Variants in HUWE1 observed in about 807,000 individuals in gnomAD.
HUWE1 encodes the protein E3 ubiquitin-protein ligase HUWE1.
In HUWE1, 18 loss-of-function variants were observed where a neutral mutation model predicts 299.4. The observed-to-expected ratio is 0.06, with a 90% confidence interval of 0.04 to 0.09. The LOEUF is 0.09. Among genes scored for constraint, HUWE1 ranks in the 10% least tolerant of loss-of-function variants. HUWE1 has a pLI of 1.00. For synonymous variants in HUWE1, 1,317 were observed against 1,286.1 expected (o/e 1.02, Z -0.51); for missense variants, 1,832 against 3,462.3 (o/e 0.53, Z 11.82).
chrX:53,570,570 C>G (rs2062779244), intron 47 of HUWE1, among the ~76,000 whole-genome samples: 1 of 112,245 alleles, frequency 8.9e-6, no homozygotes, highest in Admixed American at 9.4e-5. Flanking sequence ...ACAGCAGAGT[C>G]ACAGAAACTA....
chrX:53,569,633 A>G lies in HUWE1; in HGVS notation c.6507T>C (p.Ser2169=). The change falls in exon 48 of 84, where the codon AGT becomes AGC. Residue 2169 remains serine, a synonymous_variant. Coordinates refer to ENST00000262854, the MANE Select transcript of HUWE1 (RefSeq NM_031407.7). ...ALGRALAMAE[S]TEKHARLQAV... ...AATCTTACCTGGCATGTTTCTCTGTACTCTCAGCCATAGCCAGTGCCCGTC... is the reference window on the plus strand; with the variant it reads ...AATCTTACCTGGCATGTTTCTCTGTGCTCTCAGCCATAGCCAGTGCCCGTC... The G allele has an allele frequency of 8.3e-7, 1 of 1,210,501 alleles. No homozygotes were observed.
At chrX:53,657,770 C>T (rs1203991453) in intron 3 of HUWE1, among the ~76,000 whole-genome samples, 1 of 110,856 alleles carries the variant, frequency 9.0e-6, no homozygotes, top group Non-Finnish European at 1.9e-5. Context: ...CAATTGCTGG[C>T]CAGGCACGGT....
At chrX:53,555,072 G>A (rs187914976) in intron 60 of HUWE1, 152 bp from the exon 61 acceptor site, 15 of 401,695 alleles carry the variant, frequency 3.7e-5, no homozygotes, top group Non-Finnish European at 5.5e-5. Context: ...CTCTGGTCTG[G>A]TATACTAAGG....
chrX:53,602,769 A>G, intron 27 of HUWE1, 111 bp from the exon 28 acceptor site: 1 of 430,748 alleles, frequency 2.3e-6, no homozygotes, highest in South Asian at 5.3e-5. Flanking sequence ...TATCCCTCCT[A>G]TAGCAGGCAG....
At chrX:53,626,066 T>C (rs781925426) in intron 17 of HUWE1, 1 of 369,788 alleles carries the variant, frequency 2.7e-6, no homozygotes, top group Non-Finnish European at 5.4e-6. Context: ...AGAAACTTAC[T>C]AGAATAAAAG....
chrX:53,605,479 A>T (rs2065098313), intron 25 of HUWE1, among the ~76,000 whole-genome samples: 1 of 112,309 alleles, frequency 8.9e-6, no homozygotes, highest in African/African-American at 3.2e-5. Context: ...TATTTCAAAG[A>T]GTAAAACAAA....
intron 72 of HUWE1, among the ~76,000 whole-genome samples, 160 bp downstream of exon 72, chrX:53,544,400 G>A (rs1018646152): frequency 9.0e-6 from 1 of 110,923 alleles, no homozygotes; most frequent in Admixed American, 9.6e-5. Flanking sequence ...GCTTGAATGA[G>A]ATGTAGAATG....
Position 53,645,475 on chromosome X carries a change from A to C in HUWE1, c.352-12T>G, listed in dbSNP as rs782255554. On this transcript the variant is annotated splice_polypyrimidine_tract_variant and intron_variant, in intron 6 of 83. Transcript: ENST00000262854. ...AAAGTTGTCAAATGCTAAAGGGACA[A>C]AAAAGGGCAAAGCTCAAGGTATCAG... 4.1e-6 allele frequency: 5 copies of C among 1,208,626 alleles called. No individual in the cohort carries two copies. In the Admixed American group the frequency reaches 8.7e-5, roughly 21 times the overall value.
chrX:53,644,050 C>T (rs1433208436), intron 7 of HUWE1, among the ~76,000 whole-genome samples: 1 of 111,951 alleles, frequency 8.9e-6, no homozygotes. Flanking sequence ...TCTCAAACTC[C>T]TGGGCTCAAG....
intron 32 of HUWE1, 76 bp downstream of exon 32, chrX:53,593,288 A>T (rs2064264146): frequency 1.3e-6 from 1 of 746,797 alleles, no homozygotes; most frequent in African/African-American, 2.1e-5. Flanking sequence ...ATGTTATTTC[A>T]TTAAGCAGGA....
chrX:53,668,092 C>T (rs1371924538), intron 3 of HUWE1, among the ~76,000 whole-genome samples: 3 of 110,916 alleles, frequency 2.7e-5, no homozygotes, highest in African/African-American at 9.9e-5. Context: ...TTGCATTATT[C>T]AGCTCCAATT....
intron 23 of HUWE1, among the ~76,000 whole-genome samples, chrX:53,611,724 G>A (rs2065481985): frequency 9.1e-6 from 1 of 109,937 alleles, no homozygotes; most frequent in Non-Finnish European, 1.9e-5. Flanking sequence ...AAGGCATGGT[G>A]GCACGTGTCT....
At chrX:53,683,902 G>A in intron 2 of HUWE1, 4 of 281,263 alleles carry the variant, frequency 1.4e-5, no homozygotes. Context: ...ATCCCACGAG[G>A]ACGTAACCCT....
At chrX:53,645,720 G>GA (rs1228305226) in intron 6 of HUWE1, among the ~76,000 whole-genome samples, 24 of 24,422 alleles carry the variant, frequency 9.8e-4, no homozygotes, top group African/African-American at 2.7e-3. Context: ...CTCAAAAAAA[G>GA]AAAAAAAAAA....
chrX:53,569,640 G>A lies in HUWE1; in HGVS notation c.6500C>T (p.Ala2167Val), dbSNP rs782769393. The change falls in exon 48 of 84, where the codon GCT becomes GTT. Residue 2167 changes from alanine to valine, a missense_variant. Around this residue, in one of 15 missense-constraint regions of HUWE1, gnomAD observed 157 missense variants for 252.3 expected, o/e 0.62. Transcript: ENST00000262854. ...CCTGGCATGTTTCTCTGTACTCTCA[G>A]CCATAGCCAGTGCCCGTCCAAGGGC... ...KAALGRALAMAESTEKHARLQ... is the reference protein window; with the variant it reads ...KAALGRALAMVESTEKHARLQ... The A allele has an allele frequency of 5.8e-6, 7 of 1,211,434 alleles. No homozygotes were observed. The highest frequency in any genetic ancestry group is 7.8e-6 in the Non-Finnish European group (7 of 895,023).
At chrX:53,566,601 C>A (rs782758171) in intron 49 of HUWE1, among the ~76,000 whole-genome samples, 1 of 111,156 alleles carries the variant, frequency 9.0e-6, no homozygotes, top group Non-Finnish European at 1.9e-5. Flanking sequence ...GGACTACAGG[C>A]GTACATGTCC....
chrX:53,548,044 G>A lies in HUWE1; in HGVS notation c.10265C>T (p.Ser3422Phe). Residue 3422 changes from serine to phenylalanine, a missense_variant, in exon 68 of 84, where the codon TCT becomes TTT. Physicochemically the swap from Ser to Phe is radical, Grantham distance 155. Transcript: ENST00000262854. Reference protein sequence around the residue: ...PVSAGGEGETSPYSLEASPLG... With the variant: ...PVSAGGEGETFPYSLEASPLG... ...TGGAGAGGCCTCGAGGCTGTATGGA[G>A]AGGTTTCCCCCTCACCGCCAGCGCT... 1 of 1,210,893 alleles carries A rather than the reference G, an allele frequency of 8.3e-7. No individual in the cohort carries two copies. The highest frequency in any genetic ancestry group is 1.1e-6 in the Non-Finnish European group (1 of 895,057).
Position 53,627,452 on chromosome X carries a change from T to C in HUWE1, c.1447A>G (p.Asn483Asp), listed in dbSNP as rs113580193. The C allele has an allele frequency of 8.3e-7, 1 of 1,200,873 alleles. No homozygotes were observed. The highest frequency in any genetic ancestry group is 1.1e-6 in the Non-Finnish European group (1 of 886,276). ...FVIKPKIQRP[N>D]TTQEGEEMET... The stretch of plus-strand genomic sequence containing the variant: ...ATTTCCTCTCCTTCTTGTGTAGTAT[T>C]GGGTCTCTGGATCTTTGGCTTGATC... The change falls in exon 17 of 84, where the codon AAT becomes GAT. Residue 483 changes from asparagine to aspartate, a missense_variant. By Grantham distance (23) the Asn-to-Asp change is conservative (BLOSUM62 1). Coordinates refer to ENST00000262854, the MANE Select transcript of HUWE1 (RefSeq NM_031407.7).
At chrX:53,648,978 G>T (rs1048331495) in intron 4 of HUWE1, among the ~76,000 whole-genome samples, 4 of 112,070 alleles carry the variant, frequency 3.6e-5, no homozygotes, top group African/African-American at 1.3e-4. Flanking sequence ...TTCTGAAAGT[G>T]GAAGGAGGGA....
Sources: allele counts gnomAD v4.1 joint callset (sites outside exome capture counted in the v4.1 genomes callset), GRCh38; gene constraint gnomAD v4.1.1; regional missense constraint gnomAD v4.1.1; transcripts MANE v1.5; gene names NCBI Gene and HGNC (gene_info 2026-07-23, HGNC 2026-07-21).